ADGRL2: variants seen among roughly 807,000 people sequenced by gnomAD.
ADGRL2 encodes calcium-independent alpha-latrotoxin receptor 2.
A neutral mutation model predicts 157.4 loss-of-function variants in ADGRL2; 44 were observed. The ratio of observed to expected loss-of-function variants is 0.28; its 90% CI spans 0.22 to 0.36. The LOEUF (loss-of-function observed/expected upper bound fraction) is 0.36, where lower values mean the gene tolerates loss of function less well. ADGRL2 is among the 10% of genes least tolerant of loss of function. The pLI is 1.00. For synonymous variants in ADGRL2, 585 were observed against 624.7 expected (o/e 0.94, Z 0.95); for missense variants, 1,510 against 1,768.9 (o/e 0.85, Z 2.63).
At chr1:81,341,418 T>C (rs1376045342) in intron 1 of ADGRL2, among the ~76,000 whole-genome samples, 3 of 151,672 alleles carry the variant, frequency 2.0e-5, no homozygotes, top group African/African-American at 4.9e-5. Flanking sequence ...GATTCATCAG[T>C]AGGGCTATTT....
chr1:81,623,490 C>T (rs1400838499), intron 3 of ADGRL2, among the ~76,000 whole-genome samples: 1 of 151,964 alleles, frequency 6.6e-6, no homozygotes, highest in Non-Finnish European at 1.5e-5. Context: ...TGAGTTGTGT[C>T]CCTGAGAAAG....
At chr1:81,727,020 G>A (rs1321176870) in intron 1 of ADGRL2, among the ~76,000 whole-genome samples, 1 of 152,182 alleles carries the variant, frequency 6.6e-6, no homozygotes, top group African/African-American at 2.4e-5. Context: ...GTAGTAATCA[G>A]TTTATAGATA....
At chr1:81,924,161 C>G (rs922584470) in intron 3 of ADGRL2, among the ~76,000 whole-genome samples, 3 of 152,124 alleles carry the variant, frequency 2.0e-5, no homozygotes, top group African/African-American at 4.8e-5. Context: ...GTGTGCCTCC[C>G]TCAAGTATAT....
chr1:81,993,062 TA>T lies in ADGRL2; in HGVS notation c.*1918del. Among the ~76,000 whole-genome samples, 5 of 24,930 alleles carry T rather than the reference TA, an allele frequency of 2.0e-4. No homozygotes were observed. Among genetic ancestry groups the T allele is most frequent in the Non-Finnish European group, 3.1e-4 (5 of 15,898 alleles). The allele number at this position is 24,930 out of a possible 152,430, so 16.4% of individuals were successfully genotyped here. A position where few individuals can be genotyped will look rare whatever the true frequency, so the allele number is the denominator to read the frequency against. On this transcript the variant is annotated 3_prime_UTR_variant, in exon 24 of 24. Transcript: ENST00000686636. ...TAAGTGCATATATATAATATACATATATATATATATATATATATATATATAT... is the reference window on the plus strand; with the variant it reads ...TAAGTGCATATATATAATATACATATTATATATATATATATATATATATAT...
intron 1 of ADGRL2, among the ~76,000 whole-genome samples, chr1:81,374,455 C>G (rs546489690): frequency 1.3e-5 from 2 of 151,876 alleles, no homozygotes; most frequent in Non-Finnish European, 2.9e-5. Context: ...ACCTGTAATC[C>G]CAGCTACTCA....
At chr1:81,469,648 T>C (rs746882757) in intron 2 of ADGRL2, among the ~76,000 whole-genome samples, 15 of 152,190 alleles carry the variant, frequency 9.9e-5, no homozygotes, top group Non-Finnish European at 1.9e-4. Flanking sequence ...ACAGGCGGGC[T>C]CTATTCCTTT....
At chr1:81,826,814 T>TCA (rs2091524317) in intron 1 of ADGRL2, among the ~76,000 whole-genome samples, 1 of 152,128 alleles carries the variant, frequency 6.6e-6, no homozygotes, top group Non-Finnish European at 1.5e-5. Context: ...TCACTTCCAG[T>TCA]CAAACACCTA....
intron 2 of ADGRL2, among the ~76,000 whole-genome samples, chr1:81,505,740 C>CAA (rs59062091): frequency 0.014 from 1,212 of 84,602 alleles, 24 homozygotes; most frequent in African/African-American, 0.038. Context: ...TGTCCTCCTG[C>CAA]AAAAAAAAAA....
intron 17 of ADGRL2, among the ~76,000 whole-genome samples, chr1:81,972,327 A>G (rs1572447221): frequency 6.6e-6 from 1 of 152,258 alleles, no homozygotes; most frequent in South Asian, 2.1e-4. Context: ...ATTTTAAATG[A>G]ATATCCACAT....
At chr1:81,716,607 G>T (rs1359421152) in intron 1 of ADGRL2, among the ~76,000 whole-genome samples, 2 of 152,108 alleles carry the variant, frequency 1.3e-5, no homozygotes, top group African/African-American at 2.4e-5. Flanking sequence ...TTAAAGCAGT[G>T]CAACCATCTG....
At chr1:81,884,431 G>C (rs2151287682) in intron 2 of ADGRL2, among the ~76,000 whole-genome samples, 1 of 152,244 alleles carries the variant, frequency 6.6e-6, no homozygotes, top group African/African-American at 2.4e-5. Flanking sequence ...ACGTCTACCA[G>C]ACTTTCTGCT....
At chr1:81,913,253 T>C (rs3790910) in intron 3 of ADGRL2, among the ~76,000 whole-genome samples, 54,205 of 152,018 alleles carry the variant, frequency 0.36, 9,893 homozygotes, top group Middle Eastern at 0.43. Context: ...TTTTTAAACT[T>C]GAGAGCATAT....
chr1:81,548,729 T>C (rs2080077832), intron 2 of ADGRL2, among the ~76,000 whole-genome samples: 1 of 152,192 alleles, frequency 6.6e-6, no homozygotes, highest in Non-Finnish European at 1.5e-5. Flanking sequence ...TTCATCCAAA[T>C]TGTATTCCAA....
chr1:81,758,999 T>C (rs1390677532), intron 1 of ADGRL2, among the ~76,000 whole-genome samples: 1 of 152,272 alleles, frequency 6.6e-6, no homozygotes, highest in African/African-American at 2.4e-5. Flanking sequence ...AACTGTATCA[T>C]TAATGAGAAG....
chr1:81,721,026 A>G (rs2084294767), intron 1 of ADGRL2, among the ~76,000 whole-genome samples: 1 of 149,862 alleles, frequency 6.7e-6, no homozygotes, highest in South Asian at 2.1e-4. Context: ...TAAAATTTAA[A>G]CAATTTCCTT....
chr1:81,919,288 T>C (rs2094927789), intron 3 of ADGRL2, among the ~76,000 whole-genome samples: 1 of 152,098 alleles, frequency 6.6e-6, no homozygotes, highest in African/African-American at 2.4e-5. Context: ...CAGTTTATGT[T>C]AAATAAATGC....
At chr1:81,744,665 G>C (rs1273778524) in intron 1 of ADGRL2, among the ~76,000 whole-genome samples, 1 of 152,132 alleles carries the variant, frequency 6.6e-6, no homozygotes, top group African/African-American at 2.4e-5. Flanking sequence ...TGGACTTAGT[G>C]TACCAAATAC....
At chr1:81,815,553 C>T (rs1232150088) in intron 1 of ADGRL2, among the ~76,000 whole-genome samples, 1 of 151,734 alleles carries the variant, frequency 6.6e-6, no homozygotes. Flanking sequence ...TCATTGTATT[C>T]TCTGTAAGAA....
intron 3 of ADGRL2, among the ~76,000 whole-genome samples, chr1:81,623,622 G>A (rs1306859372): frequency 4.7e-5 from 7 of 149,408 alleles, no homozygotes; most frequent in African/African-American, 7.4e-5. Flanking sequence ...TAAATCCAAT[G>A]ACTGATATCT....
Sources: allele counts gnomAD v4.1 joint callset (sites outside exome capture counted in the v4.1 genomes callset), GRCh38; gene constraint gnomAD v4.1.1; transcripts MANE v1.5; gene names NCBI Gene and HGNC (gene_info 2026-07-23, HGNC 2026-07-21).